The following NRG1 variants were observed in gnomAD, a reference collection of about 807,000 sequenced individuals.
NRG1 encodes the protein neuregulin 1.
A neutral mutation model predicts 63.8 loss-of-function variants in NRG1; 18 were observed. That is an observed-to-expected ratio of 0.28 (90% CI 0.19 to 0.42). The LOEUF is 0.42. NRG1 is among the 10% of genes least tolerant of loss of function. The pLI is 1.00. For missense variants in NRG1, 762 were observed against 814.7 expected, an observed-to-expected ratio of 0.94 and a Z score of 0.79; for synonymous variants, 302 against 301.3, an observed-to-expected ratio of 1.00 and a Z score of -0.02.
At chr8:31,664,060 A>T (rs997161146) in intron 1 of NRG1, among the ~76,000 whole-genome samples, 1 of 152,038 alleles carries the variant, frequency 6.6e-6, no homozygotes, top group Non-Finnish European at 1.5e-5. Flanking sequence ...AGAGTCAGGG[A>T]AAAGTACTTT....
chr8:31,964,535 C>T (rs1806001753), intron 1 of NRG1, among the ~76,000 whole-genome samples: 1 of 152,116 alleles, frequency 6.6e-6, no homozygotes, highest in Non-Finnish European at 1.5e-5. Flanking sequence ...CATGATGGTG[C>T]AGGCCTGTAG....
chr8:32,079,741 T>C (rs924036896), intron 1 of NRG1, among the ~76,000 whole-genome samples: 1 of 152,096 alleles, frequency 6.6e-6, no homozygotes, highest in Admixed American at 6.6e-5. Flanking sequence ...GCAAAGTGAA[T>C]GCAGTAAAAT....
intron 1 of NRG1, among the ~76,000 whole-genome samples, chr8:32,285,878 A>G (rs1285776006): frequency 6.6e-6 from 1 of 152,206 alleles, no homozygotes; most frequent in East Asian, 1.9e-4. Context: ...ATGAAGTGAA[A>G]AAAAGGCAAG....
rs142790846 is a variant in NRG1 at position 32,679,520 on chromosome 8, T to TA, written c.503-48428dup. Among the ~76,000 whole-genome samples, 39 of 152,334 alleles carry TA rather than the reference T, an allele frequency of 2.6e-4. No individual in the cohort carries two copies. In the East Asian group the frequency reaches 6.9e-3, roughly 27 times the overall value. ...TCTCTCAAAGATGCTGTCACTTTTT[T>TA]ACCCTAATACGTAACAAAGTTGAAT... is the stretch of plus-strand genomic sequence containing the variant. On this transcript the variant is annotated intron_variant, in intron 5 of 11. Coordinates refer to ENST00000356819, the Ensembl canonical transcript of NRG1.
chr8:31,900,147 G>A (rs1831951148), intron 1 of NRG1, among the ~76,000 whole-genome samples: 1 of 152,162 alleles, frequency 6.6e-6, no homozygotes, highest in Admixed American at 6.5e-5. Context: ...GAATAATGTT[G>A]TAGGTAAGGG....
chr8:32,405,750 T>C (rs1473440678), intron 1 of NRG1, among the ~76,000 whole-genome samples: 1 of 152,220 alleles, frequency 6.6e-6, no homozygotes, highest in Non-Finnish European at 1.5e-5. Flanking sequence ...ATAATCTTCA[T>C]AATGCCCTCT....
chr8:32,735,971 C>T lies in NRG1; in HGVS notation c.633-6704C>T, dbSNP rs1824943037. ...CTAGTGTGGCCACTCTATGTATCCT[C>T]TTATCTCATGGATTGGAAACTAGTC... On this transcript the variant is annotated intron_variant, in intron 6 of 11. Transcript: ENST00000356819. Among the ~76,000 whole-genome samples, 4 of 151,398 alleles carry T rather than the reference C, an allele frequency of 2.6e-5. No individual in the cohort carries two copies. The South Asian group carries it at 8.3e-4, about 32-fold the overall frequency.
intron 1 of NRG1, among the ~76,000 whole-genome samples, chr8:32,202,333 G>T (rs1181780784): frequency 6.6e-6 from 1 of 152,124 alleles, no homozygotes; most frequent in East Asian, 1.9e-4. Context: ...GGGGTGTCTT[G>T]TTTATTTGGC....
At chr8:32,115,955 A>G (rs1024593341) in intron 1 of NRG1, among the ~76,000 whole-genome samples, 1 of 152,070 alleles carries the variant, frequency 6.6e-6, no homozygotes, top group African/African-American at 2.4e-5. Flanking sequence ...GGGCAAATCA[A>G]CCCTACTGCA....
chr8:32,337,682 A>AAAAAAAAAAAT (rs1554511693), intron 1 of NRG1, among the ~76,000 whole-genome samples: 7 of 116,630 alleles, frequency 6.0e-5, no homozygotes, highest in Admixed American at 1.7e-4. Context: ...AAAAAAAAAA[A>AAAAAAAAAAAT]GCTGATGCAG....
chr8:32,077,386 T>C (rs1826753050), intron 1 of NRG1, among the ~76,000 whole-genome samples: 1 of 151,996 alleles, frequency 6.6e-6, no homozygotes, highest in South Asian at 2.1e-4. Context: ...AAAAAATTGT[T>C]AACTACTACA....
At position 32,110,850 on chromosome 8, in the gene NRG1, T is replaced by G. The variant is rs558556187; in HGVS notation, c.37+471419T>G. On this transcript the variant is annotated intron_variant, in intron 1 of 10. Coordinates refer to the NRG1 transcript ENST00000519301. ...ATGCAGATGAAGTAGAATGATGCGG[T>G]TTCCCAAACTTGCCTGATTATACAA... Among the ~76,000 whole-genome samples, 6 of 152,208 alleles carry G rather than the reference T, an allele frequency of 3.9e-5. No individual in the cohort carries two copies. In the East Asian group the frequency reaches 1.2e-3, roughly 29 times the overall value.
intron 1 of NRG1, among the ~76,000 whole-genome samples, chr8:32,236,286 A>T (rs779938853): frequency 7.9e-5 from 12 of 152,118 alleles, no homozygotes; most frequent in East Asian, 1.9e-4. Context: ...CTGGGGGGGA[A>T]AATCAAATTA....
At chr8:32,518,568 G>T (rs866159550) in intron 1 of NRG1, among the ~76,000 whole-genome samples, 1 of 152,078 alleles carries the variant, frequency 6.6e-6, no homozygotes, top group Non-Finnish European at 1.5e-5. Flanking sequence ...TAAAAAAGAG[G>T]ACTAGAGATG....
chr8:31,726,505 C>G (rs1190997563), intron 1 of NRG1, among the ~76,000 whole-genome samples: 1 of 152,084 alleles, frequency 6.6e-6, no homozygotes. Context: ...TTTATTAGAT[C>G]TAGAATGAGG....
intron 1 of NRG1, among the ~76,000 whole-genome samples, chr8:31,863,145 G>T (rs2129610641): frequency 6.6e-6 from 1 of 152,268 alleles, no homozygotes; most frequent in African/African-American, 2.4e-5. Flanking sequence ...ACCACTCAGT[G>T]CCCCTGGTAC....
chr8:31,866,342 A>C (rs966786387), intron 1 of NRG1, among the ~76,000 whole-genome samples: 20 of 152,202 alleles, frequency 1.3e-4, no homozygotes, highest in Non-Finnish European at 4.4e-5. Context: ...TTGAGTAATA[A>C]AGGAAGTTAT....
intron 1 of NRG1, among the ~76,000 whole-genome samples, chr8:31,966,916 C>T (rs1001120247): frequency 6.6e-6 from 1 of 152,088 alleles, no homozygotes; most frequent in Non-Finnish European, 1.5e-5. Flanking sequence ...AACGGAGAGC[C>T]ACAAATAACC....
At chr8:32,218,706 T>G (rs1367188715) in intron 1 of NRG1, among the ~76,000 whole-genome samples, 1 of 152,210 alleles carries the variant, frequency 6.6e-6, no homozygotes, top group East Asian at 1.9e-4. Flanking sequence ...TTTCAAATGT[T>G]AACTTTCTAT....
Sources: gnomAD v4.1 joint callset for allele counts (sites outside exome capture counted in the v4.1 genomes callset) on GRCh38, gnomAD v4.1.1 for gene constraint, MANE v1.5 for transcripts, NCBI Gene and HGNC (gene_info 2026-07-23, HGNC 2026-07-21) for gene names.